Variants in UNC80 observed in about 807,000 individuals in gnomAD.
UNC80 encodes the protein unc-80 subunit of NALCN channel complex.
In UNC80, 164 loss-of-function variants were observed where a neutral mutation model predicts 384.6. The observed-to-expected ratio is 0.43, with a 90% CI of 0.38 to 0.49. UNC80 has a LOEUF of 0.49. Ranked by LOEUF, UNC80 falls within the 20% of genes least tolerant of loss-of-function variation. UNC80 has a pLI of 0.00. For synonymous variants in UNC80, 1,486 were observed against 1,527.8 expected (o/e 0.97, Z 0.64); for missense variants, 3,330 against 4,143.0 (o/e 0.80, Z 5.39).
chr2:209,943,302 T>C (rs2091741548), intron 44 of UNC80, 78 bp from the exon 45 acceptor site: 3 of 1,509,424 alleles, frequency 2.0e-6, no homozygotes, highest in Non-Finnish European at 2.7e-6. Flanking sequence ...AAGCTTCCCA[T>C]GACCATGAGT....
At chr2:209,964,440 G>A (rs940433928) in intron 51 of UNC80, among the ~76,000 whole-genome samples, 10 of 152,114 alleles carry the variant, frequency 6.6e-5, no homozygotes, top group Admixed American at 2.0e-4. Flanking sequence ...AAATTACACC[G>A]TGGAGATTCA....
chr2:209,839,476 C>A lies in UNC80; in HGVS notation c.3250+46C>A, dbSNP rs9288414. On this transcript the variant is annotated intron_variant, in intron 19 of 64. Transcript: ENST00000673920. This position sits in a 1 kb window ranked among gnomAD's most constrained non-coding sequence, Gnocchi z 4.1. ...GTTTATGGATTATCTTATTACCAAC[C>A]ATGTCCTCAGATCAACTCAGTGATG... is the stretch of plus-strand genomic sequence containing the variant. 203,357 of 1,545,016 alleles carry A rather than the reference C, an allele frequency of 0.13. 15,871 individuals are homozygous for A. The highest frequency in any genetic ancestry group is 0.31 in the Middle Eastern group (1,827 of 5,928).
chr2:209,961,840 C>A (rs1378360660), intron 51 of UNC80, among the ~76,000 whole-genome samples: 1 of 152,096 alleles, frequency 6.6e-6, no homozygotes, highest in Non-Finnish European at 1.5e-5. Context: ...AGATCATAAT[C>A]AAAAAGCATG....
At chr2:209,810,739 A>G (rs2079283480) in intron 7 of UNC80, among the ~76,000 whole-genome samples, 1 of 152,238 alleles carries the variant, frequency 6.6e-6, no homozygotes, top group African/African-American at 2.4e-5. Context: ...ACTACCAGCT[A>G]TTCCAATGGG....
At chr2:209,885,592 C>T (rs116121288) in intron 25 of UNC80, among the ~76,000 whole-genome samples, 3,334 of 151,990 alleles carry the variant, frequency 0.022, 38 homozygotes, top group Non-Finnish European at 0.035. Context: ...GGATTAATTT[C>T]AGGGAAGCAC....
chr2:209,969,570 G>T, intron 52 of UNC80, 198 bp from the exon 53 acceptor site: 1 of 600,928 alleles, frequency 1.7e-6, no homozygotes, highest in Non-Finnish European at 2.8e-6. Flanking sequence ...TTAGTCGAGT[G>T]GGGCAGGCCT....
intron 59 of UNC80, among the ~76,000 whole-genome samples, chr2:209,981,646 A>G (rs914175214): frequency 6.6e-6 from 1 of 152,224 alleles, no homozygotes; most frequent in Non-Finnish European, 1.5e-5. Flanking sequence ...ACAAAATCAC[A>G]TACTTAAATT....
chr2:209,953,183 T>C (rs2092265133), intron 47 of UNC80, among the ~76,000 whole-genome samples: 1 of 152,070 alleles, frequency 6.6e-6, no homozygotes, highest in African/African-American at 2.4e-5. Flanking sequence ...TTTGGGAGGC[T>C]GAGGCGGGAA....
intron 6 of UNC80, 25 bp downstream of exon 6, chr2:209,789,630 G>T: frequency 6.5e-7 from 1 of 1,536,372 alleles, no homozygotes. Flanking sequence ...ATCATAAGAA[G>T]AAGGGAGGCA....
chr2:209,812,791 C>G (rs1201443765), intron 7 of UNC80, among the ~76,000 whole-genome samples: 1 of 151,952 alleles, frequency 6.6e-6, no homozygotes, highest in Non-Finnish European at 1.5e-5. Context: ...TTTGTTGAAC[C>G]TAAGATACAT....
intron 24 of UNC80, among the ~76,000 whole-genome samples, chr2:209,880,475 C>A (rs2085187933): frequency 6.6e-6 from 1 of 152,210 alleles, no homozygotes; most frequent in African/African-American, 2.4e-5. Context: ...AACAGCAAGA[C>A]AGACATCCCT....
chr2:209,813,930 T>A, intron 8 of UNC80, 89 bp downstream of exon 8: 1 of 1,453,146 alleles, frequency 6.9e-7, no homozygotes, highest in Admixed American at 2.6e-5. Flanking sequence ...TCTTAGGTAC[T>A]CTAGTGCTGA....
At chr2:209,922,441 C>T in intron 35 of UNC80, 58 bp downstream of exon 35, 4 of 1,496,292 alleles carry the variant, frequency 2.7e-6, no homozygotes, top group Non-Finnish European at 3.6e-6. Flanking sequence ...AAACACTTTC[C>T]AGTTAATATC....
In UNC80 at chr2:209,818,997, A is replaced by G; in HGVS notation, c.1698A>G (p.Arg566=). 6.4e-7 allele frequency: 1 copy of G among 1,551,262 alleles called. No homozygotes were observed. The change falls in exon 12 of 65, where the codon CGA becomes CGG. Residue 566 remains arginine (R), a synonymous_variant. Transcript: ENST00000673920. ...SHGENTVKEV[R]SQISTITVAT... ...ACATTGCTTTCATTTTATTAGTGCG[A>G]TCTCAGATCTCCACCATCACAGTTG...
chr2:209,952,482 A>C (rs1188673750), intron 47 of UNC80, among the ~76,000 whole-genome samples: 1 of 152,194 alleles, frequency 6.6e-6, no homozygotes, highest in African/African-American at 2.4e-5. Context: ...CCTGAACTCC[A>C]ATATATATTT....
intron 35 of UNC80, among the ~76,000 whole-genome samples, chr2:209,923,942 T>C (rs1350009175): frequency 2.6e-5 from 4 of 152,154 alleles, no homozygotes; most frequent in African/African-American, 9.6e-5. Flanking sequence ...TGCCTGCCGT[T>C]TTAAAATATA....
intron 26 of UNC80, among the ~76,000 whole-genome samples, chr2:209,891,649 T>C (rs1199669502): frequency 1.3e-5 from 2 of 152,272 alleles, no homozygotes; most frequent in East Asian, 3.9e-4. Context: ...GCTGAATATT[T>C]TTTCTACACA....
At chr2:209,846,986 A>G (rs1437197800) in intron 21 of UNC80, among the ~76,000 whole-genome samples, 1 of 152,100 alleles carries the variant, frequency 6.6e-6, no homozygotes, top group Non-Finnish European at 1.5e-5. Context: ...CACTACCTTC[A>G]GCAGAGTATA....
At chr2:209,951,964 C>A (rs1363932670) in intron 47 of UNC80, among the ~76,000 whole-genome samples, 1 of 152,144 alleles carries the variant, frequency 6.6e-6, no homozygotes, top group African/African-American at 2.4e-5. Context: ...TCATCTCTTC[C>A]TGTGTCTAAT....
Sources: allele counts gnomAD v4.1 joint callset (sites outside exome capture counted in the v4.1 genomes callset), GRCh38; gene constraint gnomAD v4.1.1; non-coding constraint Gnocchi (gnomAD v3.1); transcripts MANE v1.5; gene names NCBI Gene and HGNC (gene_info 2026-07-23, HGNC 2026-07-21).